TOM1L2: variants seen among roughly 807,000 people sequenced by gnomAD.
TOM1L2 encodes the protein TOM1-like protein 2.
In TOM1L2, 31 loss-of-function variants were observed where a neutral mutation model predicts 67.9. That is an observed-to-expected ratio of 0.46 (90% CI 0.34 to 0.62). The LOEUF (loss-of-function observed/expected upper bound fraction) is 0.62, where lower values mean the gene tolerates loss of function less well. TOM1L2 is among the 20% of genes least tolerant of loss of function. TOM1L2 has a pLI of 0.01. For synonymous variants in TOM1L2, 256 were observed against 254.0 expected, an observed-to-expected ratio of 1.01 and a Z score of -0.07; for missense variants, 606 against 663.5, an observed-to-expected ratio of 0.91 and a Z score of 0.95.
Position 17,884,754 on chromosome 17 carries a change from G to A in TOM1L2, c.381C>T (p.Ala127=). ...VLALIQAWAD[A]FRSSPDLTGV... is the part of the protein sequence containing the mutation. ...CGGTGAGATCAGGACTGCTTCGAAA[G>A]GCATCAGCCCATGCCTGGGATAATA... The change falls in exon 5 of 15, where the codon GCC becomes GCT. Residue 127 remains alanine, a synonymous_variant. Transcript: ENST00000379504. The A allele has an allele frequency of 6.2e-7, 1 of 1,613,556 alleles. No individual in the cohort carries two copies. Among genetic ancestry groups the A allele is most frequent in the Non-Finnish European group, 8.5e-7 (1 of 1,180,040 alleles).
intron 1 of TOM1L2, 137 bp downstream of exon 1, chr17:17,972,113 GCCCAGCCCGCTC>G: frequency 1.0e-6 from 1 of 972,334 alleles, no homozygotes; most frequent in Non-Finnish European, 1.5e-6. Context: ...CGACCAGGAT[GCCCAGCCCGCTC>G]GTGGAGTGGC....
chr17:17,952,156 T>C (rs1408325768), intron 1 of TOM1L2, among the ~76,000 whole-genome samples: 5 of 152,146 alleles, frequency 3.3e-5, no homozygotes, highest in Non-Finnish European at 7.4e-5. Flanking sequence ...CACAATGAGA[T>C]AGATCTAATT....
intron 1 of TOM1L2, among the ~76,000 whole-genome samples, chr17:17,953,936 T>A (rs916015990): frequency 6.6e-6 from 1 of 152,270 alleles, no homozygotes; most frequent in African/African-American, 2.4e-5. Context: ...CCCTGTACAG[T>A]TAGCCACTCT....
chr17:17,883,138 T>C (rs895717043), intron 5 of TOM1L2, among the ~76,000 whole-genome samples: 5 of 152,162 alleles, frequency 3.3e-5, no homozygotes, highest in Admixed American at 2.6e-4. Context: ...CCGAGAGTGC[T>C]CTGTGAGCCC....
chr17:17,936,119 C>T (rs2040505474), intron 1 of TOM1L2, among the ~76,000 whole-genome samples: 1 of 152,262 alleles, frequency 6.6e-6, no homozygotes, highest in South Asian at 2.1e-4. Context: ...CTGTCTTCCT[C>T]TGCAGCCCAT....
chr17:17,916,899 T>C (rs1464630071), intron 1 of TOM1L2, among the ~76,000 whole-genome samples: 1 of 152,168 alleles, frequency 6.6e-6, no homozygotes, highest in Non-Finnish European at 1.5e-5. Context: ...GGCTCACACC[T>C]GTAATCCCAG....
intron 1 of TOM1L2, among the ~76,000 whole-genome samples, chr17:17,928,937 A>C (rs2040212111): frequency 6.6e-6 from 1 of 152,222 alleles, no homozygotes; most frequent in South Asian, 2.1e-4. Flanking sequence ...AGGCAAAACA[A>C]AATCAAGCAG....
At chr17:17,932,241 G>A (rs1190136045) in intron 1 of TOM1L2, among the ~76,000 whole-genome samples, 1 of 152,136 alleles carries the variant, frequency 6.6e-6, no homozygotes, top group Non-Finnish European at 1.5e-5. Flanking sequence ...TTTGAAAGTA[G>A]AAGACAAGAC....
chr17:17,865,957 G>A (rs2036825644), intron 10 of TOM1L2, among the ~76,000 whole-genome samples: 1 of 151,396 alleles, frequency 6.6e-6, no homozygotes, highest in Non-Finnish European at 1.5e-5. Context: ...GGTCAGGCTG[G>A]TCTCAAACTC....
intron 1 of TOM1L2, among the ~76,000 whole-genome samples, chr17:17,958,080 ACT>A (rs1288592920): frequency 2.7e-5 from 4 of 148,748 alleles, no homozygotes; most frequent in African/African-American, 7.4e-5. Flanking sequence ...ACAGAGCAAG[ACT>A]CTGTCTCAAA....
intron 1 of TOM1L2, among the ~76,000 whole-genome samples, chr17:17,911,273 G>A (rs374168540): frequency 2.8e-4 from 43 of 152,140 alleles, no homozygotes; most frequent in African/African-American, 1.0e-3. Flanking sequence ...AATGGGAGCC[G>A]TATCTGATTA....
At chr17:17,917,575 A>C (rs927520102) in intron 1 of TOM1L2, among the ~76,000 whole-genome samples, 1 of 146,760 alleles carries the variant, frequency 6.8e-6, no homozygotes, top group African/African-American at 2.5e-5. Flanking sequence ...CTGGGAATAC[A>C]TGTGCATGCC....
chr17:17,880,749 C>T (rs1027672579), intron 6 of TOM1L2, among the ~76,000 whole-genome samples: 1 of 152,224 alleles, frequency 6.6e-6, no homozygotes, highest in African/African-American at 2.4e-5. Context: ...ACTAACCTCA[C>T]CAGGCTGCTG....
intron 3 of TOM1L2, 58 bp from the exon 4 acceptor site, chr17:17,893,868 G>C: frequency 6.4e-7 from 1 of 1,554,068 alleles, no homozygotes; most frequent in Non-Finnish European, 8.8e-7. Flanking sequence ...AAGACACTGG[G>C]AACTGAGGAG....
intron 1 of TOM1L2, among the ~76,000 whole-genome samples, chr17:17,955,451 G>C (rs1398960667): frequency 6.8e-6 from 1 of 147,714 alleles, no homozygotes; most frequent in African/African-American, 2.5e-5. Context: ...CGATTCTCCA[G>C]CCTCCATCTC....
At chr17:17,867,493 C>T (rs983899316) in intron 8 of TOM1L2, among the ~76,000 whole-genome samples, 1 of 152,156 alleles carries the variant, frequency 6.6e-6, no homozygotes, top group African/African-American at 2.4e-5. Context: ...GTCCTCTGCA[C>T]CCAGTCAGGC....
chr17:17,894,913 A>G lies in TOM1L2; in HGVS notation c.217-1103T>C, dbSNP rs538785121. On this transcript the variant is annotated intron_variant, in intron 3 of 14. Transcript: ENST00000379504. ...GCCATTGCACTCCAGCTCAGGCAAC[A>G]GAACAAAACTCTGTCTCAAAAACAT... is the stretch of plus-strand genomic sequence containing the variant. Among the ~76,000 whole-genome samples the G allele has an allele frequency of 5.3e-5, 8 of 152,248 alleles. No individual in the cohort carries two copies. In the South Asian group the frequency reaches 1.4e-3, roughly 28 times the overall value.
At chr17:17,871,765 C>T (rs1309876964) in intron 7 of TOM1L2, among the ~76,000 whole-genome samples, 1 of 152,250 alleles carries the variant, frequency 6.6e-6, no homozygotes, top group Non-Finnish European at 1.5e-5. Flanking sequence ...TCTCAGCACT[C>T]TTCACTCAGA....
intron 10 of TOM1L2, among the ~76,000 whole-genome samples, chr17:17,865,761 T>G (rs1420647085): frequency 6.8e-6 from 1 of 148,096 alleles, no homozygotes; most frequent in Non-Finnish European, 1.5e-5. Context: ...TTTTTTTTTT[T>G]TGAGACAGTG....
Sources: gnomAD v4.1 joint callset for allele counts (sites outside exome capture counted in the v4.1 genomes callset) on GRCh38, gnomAD v4.1.1 for gene constraint, MANE v1.5 for transcripts, NCBI Gene and HGNC (gene_info 2026-07-23, HGNC 2026-07-21) for gene names.